The following CNTN4 variants were observed in gnomAD, a reference collection of about 807,000 sequenced individuals.
The protein encoded by CNTN4 is contactin-4.
CNTN4 carries 77 observed loss-of-function variants against 122.5 expected under a neutral mutation model. The ratio of observed to expected loss-of-function variants is 0.63; its 90% CI spans 0.52 to 0.76. CNTN4 has a LOEUF of 0.76. Ranked by LOEUF, CNTN4 falls within the 30% of genes least tolerant of loss-of-function variation. The pLI is 0.00. For synonymous variants in CNTN4, 512 were observed against 447.0 expected (o/e 1.15, Z -1.83); for missense variants, 1,256 against 1,259.1 (o/e 1.00, Z 0.04).
At position 3,009,489 on chromosome 3, in the gene CNTN4, A is replaced by T. The variant is rs368738483; in HGVS notation, c.1487-16613A>T. Among the ~76,000 whole-genome samples the T allele has an allele frequency of 2.0e-5, 3 of 151,640 alleles. No individual in the cohort carries two copies. The South Asian group carries it at 6.2e-4, about 32-fold the overall frequency. On this transcript the variant is annotated intron_variant, in intron 14 of 24. Transcript: ENST00000418658. ...TGCTCTGTCGCCCAGGCTGGAGTGC[A>T]GTGGCGCGATCTCAGCTCACTGCAA...
chr3:2,400,428 C>CATACATAT (rs1156582228), intron 3 of CNTN4, among the ~76,000 whole-genome samples: 120 of 95,818 alleles, frequency 1.3e-3, no homozygotes, highest in Admixed American at 3.2e-3. Flanking sequence ...TATATATATA[C>CATACATAT]ATATATATAT....
At chr3:2,210,417 T>C (rs2038562765) in intron 2 of CNTN4, among the ~76,000 whole-genome samples, 1 of 152,174 alleles carries the variant, frequency 6.6e-6, no homozygotes, top group Non-Finnish European at 1.5e-5. Context: ...CGGCATACCA[T>C]TGTCTGCCTA....
rs771518659 is a variant in CNTN4 at position 2,902,941 on chromosome 3, G to T, written c.1143G>T (p.Met381Ile). ...ITIVNLSDAG[M>I]YQCLAENKHG... ...TAGTGAACCTCTCAGATGCTGGCAT[G>T]TATCAGTGTTTGGCAGAGAATAAAC... The change falls in exon 12 of 25, where the codon ATG (methionine) becomes ATT (isoleucine). Residue 381 changes from methionine to isoleucine, a missense_variant. Physicochemically the swap from Met to Ile is conservative, Grantham distance 10. Transcript: ENST00000418658. The T allele has an allele frequency of 6.2e-7, 1 of 1,613,756 alleles. No homozygotes were observed. The highest frequency in any genetic ancestry group is 1.3e-5 in the African/African-American group (1 of 75,010).
At chr3:2,999,710 C>G (rs1577565105) in intron 14 of CNTN4, among the ~76,000 whole-genome samples, 1 of 152,238 alleles carries the variant, frequency 6.6e-6, no homozygotes, top group Non-Finnish European at 1.5e-5. Flanking sequence ...ATAATGACAC[C>G]TAACCTCATT....
intron 2 of CNTN4, among the ~76,000 whole-genome samples, chr3:2,116,624 A>T (rs913559197): frequency 3.9e-5 from 6 of 152,148 alleles, no homozygotes; most frequent in African/African-American, 1.4e-4. Context: ...GATTCCCTTT[A>T]AAAGTGTTCT....
chr3:2,695,971 C>T (rs528232910), intron 4 of CNTN4, among the ~76,000 whole-genome samples: 73 of 151,986 alleles, frequency 4.8e-4, no homozygotes, highest in Non-Finnish European at 8.1e-4. Context: ...AGTATTAGCT[C>T]GAGAATGGCA....
At chr3:2,953,503 A>G (rs185341016) in intron 13 of CNTN4, among the ~76,000 whole-genome samples, 157 of 151,318 alleles carry the variant, frequency 1.0e-3, no homozygotes, top group African/African-American at 3.5e-3. Context: ...CCATTCTACA[A>G]CTTCTAAACT....
chr3:2,407,687 T>A (rs1187996235), intron 3 of CNTN4, among the ~76,000 whole-genome samples: 1 of 152,152 alleles, frequency 6.6e-6, no homozygotes, highest in Non-Finnish European at 1.5e-5. Flanking sequence ...TAGCACTGTA[T>A]GTTAAAATTG....
At chr3:2,553,403 T>C (rs2078595180) in intron 3 of CNTN4, among the ~76,000 whole-genome samples, 1 of 152,198 alleles carries the variant, frequency 6.6e-6, no homozygotes, top group Non-Finnish European at 1.5e-5. Context: ...TAAATTAATA[T>C]GTAAGATGCA....
intron 2 of CNTN4, among the ~76,000 whole-genome samples, chr3:2,150,819 T>C (rs1280412483): frequency 1.3e-5 from 2 of 152,208 alleles, no homozygotes; most frequent in African/African-American, 2.4e-5. Context: ...ATGTTCCCTC[T>C]GTTTAATTTC....
intron 6 of CNTN4, among the ~76,000 whole-genome samples, chr3:2,796,602 A>G (rs1053700589): frequency 6.6e-6 from 1 of 152,210 alleles, no homozygotes; most frequent in East Asian, 1.9e-4. Context: ...ATGAAATCTA[A>G]TTTAGGCTAG....
chr3:2,839,840 C>T (rs1391458221), intron 7 of CNTN4, among the ~76,000 whole-genome samples: 1 of 152,182 alleles, frequency 6.6e-6, no homozygotes, highest in Non-Finnish European at 1.5e-5. Context: ...CAGAGCAGTA[C>T]TAGGCCTTGG....
chr3:2,783,337 A>G (rs758053620), intron 6 of CNTN4, among the ~76,000 whole-genome samples: 1 of 152,118 alleles, frequency 6.6e-6, no homozygotes, highest in Non-Finnish European at 1.5e-5. Context: ...CTTAGAGATA[A>G]TTCGTCTTGA....
At chr3:2,177,885 G>A (rs1475209268) in intron 2 of CNTN4, among the ~76,000 whole-genome samples, 2 of 152,020 alleles carry the variant, frequency 1.3e-5, no homozygotes, top group Non-Finnish European at 1.5e-5. Flanking sequence ...GCCTAGCCAA[G>A]GTGACGCATA....
At chr3:2,973,885 G>T (rs1324726476) in intron 13 of CNTN4, among the ~76,000 whole-genome samples, 1 of 152,182 alleles carries the variant, frequency 6.6e-6, no homozygotes, top group African/African-American at 2.4e-5. Flanking sequence ...TCATACCATT[G>T]TAAGAGGAAG....
intron 2 of CNTN4, among the ~76,000 whole-genome samples, chr3:2,188,570 G>T (rs1354123291): frequency 6.6e-6 from 1 of 152,144 alleles, no homozygotes; most frequent in Non-Finnish European, 1.5e-5. Flanking sequence ...TAGAATTTCA[G>T]GTAGGGTGAG....
intron 3 of CNTN4, among the ~76,000 whole-genome samples, chr3:2,343,397 C>A (rs1345891867): frequency 6.6e-6 from 1 of 152,118 alleles, no homozygotes; most frequent in Non-Finnish European, 1.5e-5. Flanking sequence ...CTCTAATTTG[C>A]CCCCTCCTGC....
chr3:2,807,247 C>G (rs983969262), intron 6 of CNTN4, among the ~76,000 whole-genome samples: 1 of 152,178 alleles, frequency 6.6e-6, no homozygotes, highest in Non-Finnish European at 1.5e-5. Flanking sequence ...ACACGGCAGC[C>G]TTATCTCTGA....
intron 3 of CNTN4, among the ~76,000 whole-genome samples, chr3:2,504,824 A>C (rs1575790598): frequency 6.6e-6 from 1 of 152,302 alleles, no homozygotes. Flanking sequence ...ATTGAATTAC[A>C]TTCTGTAAAA....
Sources: allele counts gnomAD v4.1 joint callset (sites outside exome capture counted in the v4.1 genomes callset), GRCh38; gene constraint gnomAD v4.1.1; transcripts MANE v1.5; gene names NCBI Gene and HGNC (gene_info 2026-07-23, HGNC 2026-07-21).